Variants in ZXDC observed in about 807,000 individuals in gnomAD.
ZXDC encodes zinc finger protein ZXDC.
In ZXDC, 58 loss-of-function variants were observed where a neutral mutation model predicts 63.6. The ratio of observed to expected loss-of-function variants is 0.91; its 90% confidence interval spans 0.74 to 1.13. The LOEUF (loss-of-function observed/expected upper bound fraction) is 1.13. Among genes scored for constraint, ZXDC ranks in the 50% most tolerant of loss-of-function variants. The pLI is 0.00. For missense variants in ZXDC, 1,133 were observed against 1,148.9 expected (o/e 0.99, Z 0.20); for synonymous variants, 561 against 496.1 (o/e 1.13, Z -1.74).
Position 126,475,551 on chromosome 3 carries a change from C to A in ZXDC, c.315G>T (p.Ala105=). Residue 105 remains alanine (A), a synonymous_variant, in exon 1 of 10, where the codon GCG becomes GCT. Transcript: ENST00000389709. ...EAEPGSRVNL[A]SRPEQGPSGP... is the part of the protein sequence containing the mutation. ...CGCTGGGGCCCTGCTCGGGGCGGCT[C>A]GCCAGGTTGACACGGGAGCCAGGCT... 7.2e-7 allele frequency: 1 copy of A among 1,384,372 alleles called. No individual in the cohort carries two copies. Among genetic ancestry groups the A allele is most frequent in the Non-Finnish European group, 9.4e-7 (1 of 1,067,172 alleles). The allele number at this position is 1,384,372 out of a possible 1,614,324, so 85.8% of individuals were successfully genotyped here. A position where few individuals can be genotyped will look rare whatever the true frequency, so the allele number is the denominator to read the frequency against.
intron 7 of ZXDC, among the ~76,000 whole-genome samples, chr3:126,456,902 G>T (rs998044257): frequency 6.6e-6 from 1 of 152,216 alleles, no homozygotes; most frequent in African/African-American, 2.4e-5. Context: ...CACATCTGCC[G>T]TGTGGACAGC....
chr3:126,439,800 A>T lies in ZXDC; in HGVS notation c.2395-73T>A. ...GCAAAGGTCCTCGTCTCACCTGAGA[A>T]GTCTCCTCCAGCTGCAATGCGTGGC... On this transcript the variant is annotated intron_variant, in intron 8 of 9. Coordinates refer to ENST00000389709, the MANE Select transcript of ZXDC (RefSeq NM_025112.5). The T allele has an allele frequency of 2.0e-6, 3 of 1,487,306 alleles. No individual in the cohort carries two copies. The South Asian group carries it at 4.0e-5, about 20-fold the overall frequency. 92.1% of individuals were successfully genotyped at this position (1,487,306 alleles called of 1,614,324 possible). A position where few individuals can be genotyped will look rare whatever the true frequency, so the allele number is the denominator to read the frequency against.
intron 4 of ZXDC, among the ~76,000 whole-genome samples, chr3:126,468,861 C>G (rs190719729): frequency 1.3e-5 from 2 of 152,302 alleles, no homozygotes; most frequent in South Asian, 2.1e-4. Flanking sequence ...CTCAGCACCA[C>G]CCCCACTGTG....
chr3:126,458,007 C>T (rs989804537), intron 7 of ZXDC, among the ~76,000 whole-genome samples: 2 of 152,190 alleles, frequency 1.3e-5, no homozygotes, highest in Non-Finnish European at 2.9e-5. Context: ...CCAGGCAAGA[C>T]CTAGCAGAGA....
chr3:126,440,207 G>A, intron 8 of ZXDC: 3 of 998,308 alleles, frequency 3.0e-6, no homozygotes, highest in Admixed American at 5.4e-5. Flanking sequence ...GAGGCTGCCA[G>A]GCCCCTCACA....
At chr3:126,453,171 A>G (rs1934174179) in intron 7 of ZXDC, 1 of 985,358 alleles carries the variant, frequency 1.0e-6, no homozygotes, top group Non-Finnish European at 1.2e-6. Context: ...GTTTTCCTAG[A>G]AAACTCTGCA....
intron 8 of ZXDC, 168 bp from the exon 9 acceptor site, chr3:126,439,895 G>A (rs1010298196): frequency 1.8e-5 from 25 of 1,426,928 alleles, no homozygotes; most frequent in Admixed American, 3.0e-5. Flanking sequence ...TGGGGGCTGG[G>A]TACTACCTGT....
At position 126,475,398 on chromosome 3, in the gene ZXDC, C is replaced by G; in HGVS notation, c.468G>C (p.Ala156=). 3 of 1,205,334 alleles carry G rather than the reference C, an allele frequency of 2.5e-6. No homozygotes were observed. Among genetic ancestry groups the G allele is most frequent in the Non-Finnish European group, 3.1e-6 (3 of 967,998 alleles). The allele number at this position is 1,205,334 out of a possible 1,614,324, so 74.7% of individuals were successfully genotyped here. A position where few individuals can be genotyped will look rare whatever the true frequency, so the allele number is the denominator to read the frequency against. ...GCGCGCGGCGGGGAGCGGCGGCGCC[C>G]GCGGTTGCGGGGCCGGGCGGCGCAG... The part of the protein sequence containing the change: ...ALSAPPGPAT[A]GAAAPRRAPQ... The change falls in exon 1 of 10, where the codon GCG becomes GCC. Residue 156 remains alanine (A), a synonymous_variant. Coordinates refer to ENST00000389709, the MANE Select transcript of ZXDC (RefSeq NM_025112.5).
chr3:126,450,294 C>G (rs1033167678), intron 7 of ZXDC: 2 of 455,598 alleles, frequency 4.4e-6, no homozygotes, highest in African/African-American at 4.0e-5. Context: ...GACTGCTGGG[C>G]AAAATTCTCC....
At chr3:126,442,943 G>A (rs1316867759) in intron 7 of ZXDC, 1 of 152,254 alleles carries the variant, frequency 6.6e-6, no homozygotes, top group African/African-American at 2.4e-5. Context: ...TGGGGTGAGA[G>A]CTGACTTGCC....
intron 7 of ZXDC, among the ~76,000 whole-genome samples, chr3:126,447,980 T>TCCTGCCGCTGCC (rs1933945225): frequency 6.6e-6 from 1 of 152,162 alleles, no homozygotes; most frequent in Non-Finnish European, 1.5e-5. Context: ...TTGGGTTCAA[T>TCCTGCCGCTGCC]CCTGCCGCTG....
At chr3:126,438,592 T>C in intron 9 of ZXDC, 131 bp from the exon 10 acceptor site, 1 of 705,110 alleles carries the variant, frequency 1.4e-6, no homozygotes, top group East Asian at 2.7e-5. Context: ...AACTACAGGC[T>C]CCCCTTATTC....
intron 7 of ZXDC, among the ~76,000 whole-genome samples, chr3:126,455,600 C>A (rs1934274424): frequency 6.6e-6 from 1 of 152,090 alleles, no homozygotes; most frequent in African/African-American, 2.4e-5. Flanking sequence ...TGATGGGGCA[C>A]AAGAATCCAA....
At position 126,459,642 on chromosome 3, in the gene ZXDC, C is replaced by A; in HGVS notation, c.2212+11G>T. ...CCCTTGCTCGTCCGGCTGCAGCACACACGGCCTCACCTGCATTGCTCCCCG... is the reference window on the plus strand; with the variant it reads ...CCCTTGCTCGTCCGGCTGCAGCACAAACGGCCTCACCTGCATTGCTCCCCG... On this transcript the variant is annotated intron_variant, in intron 7 of 9. Transcript: ENST00000389709. 2 of 1,614,160 alleles carry A rather than the reference C, an allele frequency of 1.2e-6. No homozygotes were observed.
Position 126,438,060 on chromosome 3 carries a change from T to C in ZXDC, c.*315A>G, listed in dbSNP as rs1245436777. 2 of 362,804 alleles carry C rather than the reference T, an allele frequency of 5.5e-6. No homozygotes were observed. The highest frequency in any genetic ancestry group is 1.2e-4 in the East Asian group (2 of 16,086). The allele number at this position is 362,804 out of a possible 1,614,324, so 22.5% of individuals were successfully genotyped here. ...CCTGCAGAAGTCTTTTTCTTTGTAA[T>C]GCAACAAGTGCTACACAGCTCAGAT... On this transcript the variant is annotated 3_prime_UTR_variant, in exon 10 of 10. Coordinates refer to ENST00000389709, the MANE Select transcript of ZXDC (RefSeq NM_025112.5).
chr3:126,444,331 G>C (rs746215318), intron 7 of ZXDC, among the ~76,000 whole-genome samples: 23 of 152,208 alleles, frequency 1.5e-4, no homozygotes, highest in Non-Finnish European at 2.2e-4. Context: ...AGGAGATCGA[G>C]ACCATCCTGG....
intron 3 of ZXDC, among the ~76,000 whole-genome samples, chr3:126,471,624 C>G (rs1217196140): frequency 6.6e-6 from 1 of 151,816 alleles, no homozygotes; most frequent in African/African-American, 2.4e-5. Context: ...GTCACCTGGA[C>G]ACAGTCTCCA....
chr3:126,458,950 A>G, intron 7 of ZXDC: 6 of 981,838 alleles, frequency 6.1e-6, no homozygotes, highest in Non-Finnish European at 7.3e-6. Flanking sequence ...AAGTCATAAT[A>G]CTATTAGGAA....
In ZXDC at chr3:126,475,157, G is replaced by C. The variant is rs1288789911; in HGVS notation, c.709C>G (p.Pro237Ala). 6.2e-7 allele frequency: 1 copy of C among 1,605,906 alleles called. No individual in the cohort carries two copies. The highest frequency in any genetic ancestry group is 1.7e-5 in the Admixed American group (1 of 59,098). ...CAGCCGCCCACTGGACAGCCGAAGG[G>C]CCGCAGCTTGTCGTGCGACTGCAGG... is the stretch of plus-strand genomic sequence containing the variant. ...RHLQSHDKLR[P>A]FGCPVGGCGK... Residue 237 changes from proline (P) to alanine (A), a missense_variant, in exon 1 of 10, where the codon CCC becomes GCC. Pro to Ala is a conservative substitution (Grantham distance 27). Coordinates refer to ENST00000389709, the MANE Select transcript of ZXDC (RefSeq NM_025112.5).
Sources: gnomAD v4.1 joint callset for allele counts (sites outside exome capture counted in the v4.1 genomes callset) on GRCh38, gnomAD v4.1.1 for gene constraint, MANE v1.5 for transcripts, NCBI Gene and HGNC (gene_info 2026-07-23, HGNC 2026-07-21) for gene names.